FGF14: variants seen among roughly 807,000 people sequenced by gnomAD.
The protein encoded by FGF14 is fibroblast growth factor 14.
Under a neutral mutation model 25.5 loss-of-function variants are expected in FGF14, and 5 were observed. The ratio of observed to expected loss-of-function variants is 0.20; its 90% CI spans 0.10 to 0.41. FGF14 has a LOEUF of 0.41. FGF14 is among the 10% of genes least tolerant of loss of function. The probability of loss-of-function intolerance (pLI) is 1.00; values close to 1 mark genes in which losing one functional copy is unlikely to be tolerated. For synonymous variants in FGF14, 138 were observed against 118.3 expected (o/e 1.17, Z -1.08); for missense variants, 222 against 320.1 (o/e 0.69, Z 2.34).
intron 1 of FGF14, chr13:102,003,021 T>A (rs927425002): frequency 6.6e-6 from 1 of 152,188 alleles, no homozygotes; most frequent in East Asian, 1.9e-4. Flanking sequence ...GGAGTGGATA[T>A]ATGGAAAAAC....
At chr13:102,376,010 G>A (rs890619217) in intron 1 of FGF14, among the ~76,000 whole-genome samples, 6 of 152,180 alleles carry the variant, frequency 3.9e-5, no homozygotes, top group Non-Finnish European at 7.4e-5. Context: ...TAAATCTGCT[G>A]GTTCTACTGT....
At chr13:102,192,178 C>T (rs1398976136) in intron 1 of FGF14, among the ~76,000 whole-genome samples, 1 of 152,180 alleles carries the variant, frequency 6.6e-6, no homozygotes, top group African/African-American at 2.4e-5. Flanking sequence ...CTCTGAATTG[C>T]CTTTGGGGTC....
chr13:102,215,091 A>C (rs1050319097), intron 1 of FGF14, among the ~76,000 whole-genome samples: 15 of 152,052 alleles, frequency 9.9e-5, no homozygotes. Flanking sequence ...TTCTAGGAAA[A>C]TTAAGTTTAA....
chr13:102,099,812 A>G (rs1172716489), intron 1 of FGF14, among the ~76,000 whole-genome samples: 1 of 152,142 alleles, frequency 6.6e-6, no homozygotes, highest in African/African-American at 2.4e-5. Flanking sequence ...TAATATTAAT[A>G]AAATAATAAT....
chr13:102,188,612 CT>C, intron 1 of FGF14, among the ~76,000 whole-genome samples: 1 of 152,038 alleles, frequency 6.6e-6, no homozygotes, highest in East Asian at 1.9e-4. Flanking sequence ...ATAATTACTA[CT>C]TTTAATATAT....
intron 1 of FGF14, among the ~76,000 whole-genome samples, chr13:102,193,899 A>AT (rs532898994): frequency 0.015 from 685 of 45,108 alleles, 11 homozygotes; most frequent in African/African-American, 0.13. Context: ...ATCAGTCATG[A>AT]ATTTTTTTAT....
At chr13:102,221,752 G>T (rs1331089300) in intron 1 of FGF14, among the ~76,000 whole-genome samples, 1 of 152,170 alleles carries the variant, frequency 6.6e-6, no homozygotes, top group Non-Finnish European at 1.5e-5. Context: ...TAGAATTACA[G>T]TGCAATAAAC....
rs1433722271 is a variant in FGF14 at position 101,711,471 on chromosome 13, A to G, written c.*11360T>C. ...GCCTGGTGTTCAAGTTGCCTCGCTC[A>G]ATATGCCTGTGCAGTCAGACCTGCA... On this transcript the variant is annotated 3_prime_UTR_variant, in exon 5 of 5. Transcript: ENST00000376143. The G allele has an allele frequency of 6.6e-6, 1 of 152,284 alleles. No homozygotes were observed. Among genetic ancestry groups the G allele is most frequent in the Non-Finnish European group, 1.5e-5 (1 of 68,070 alleles). 9.4% of individuals were successfully genotyped at this position (152,284 alleles called of 1,614,324 possible). A position where few individuals can be genotyped will look rare whatever the true frequency, so the allele number is the denominator to read the frequency against.
chr13:101,731,500 T>A (rs949375399), intron 3 of FGF14, among the ~76,000 whole-genome samples: 12 of 152,180 alleles, frequency 7.9e-5, no homozygotes, highest in Admixed American at 6.5e-4. Flanking sequence ...ATGTTATATC[T>A]TTTTTATGTT....
intron 1 of FGF14, among the ~76,000 whole-genome samples, chr13:102,128,218 G>A (rs1201693926): frequency 6.6e-6 from 1 of 152,170 alleles, no homozygotes; most frequent in Non-Finnish European, 1.5e-5. Flanking sequence ...TAATCCATAA[G>A]GCTGTTGAGA....
intron 1 of FGF14, among the ~76,000 whole-genome samples, chr13:102,041,220 ATTAT>A (rs1334658074): frequency 6.6e-6 from 1 of 152,182 alleles, no homozygotes; most frequent in Non-Finnish European, 1.5e-5. Flanking sequence ...GAAAAATATA[ATTAT>A]TTAAAAAGAA....
chr13:101,869,991 G>C (rs1044944564), intron 2 of FGF14, among the ~76,000 whole-genome samples: 2 of 152,090 alleles, frequency 1.3e-5, no homozygotes, highest in Non-Finnish European at 2.9e-5. Context: ...CAAGATGTCT[G>C]TGCTACACAA....
At chr13:102,289,155 T>A (rs991431252) in intron 1 of FGF14, among the ~76,000 whole-genome samples, 23 of 152,210 alleles carry the variant, frequency 1.5e-4, no homozygotes, top group African/African-American at 5.5e-4. Flanking sequence ...TGTTCATCAC[T>A]CCTTGAGTGT....
intron 1 of FGF14, among the ~76,000 whole-genome samples, chr13:102,332,404 T>A (rs981765624): frequency 1.3e-5 from 2 of 152,130 alleles, no homozygotes; most frequent in African/African-American, 4.8e-5. Context: ...TAAAAATATA[T>A]CTTAAATCTA....
chr13:102,341,932 T>C (rs1321039115), intron 1 of FGF14, among the ~76,000 whole-genome samples: 2 of 152,166 alleles, frequency 1.3e-5, no homozygotes, highest in African/African-American at 2.4e-5. Context: ...AGCTCCATGT[T>C]GTCATCCAAA....
intron 1 of FGF14, among the ~76,000 whole-genome samples, chr13:101,996,627 G>C (rs1229895745): frequency 6.6e-6 from 1 of 152,174 alleles, no homozygotes; most frequent in Non-Finnish European, 1.5e-5. Context: ...AGGCAGATCT[G>C]AGAATAAAGA....
At chr13:102,156,090 G>A (rs188677383) in intron 1 of FGF14, among the ~76,000 whole-genome samples, 147 of 152,144 alleles carry the variant, frequency 9.7e-4, no homozygotes, top group Non-Finnish European at 1.3e-3. Flanking sequence ...ACAAGGAGGA[G>A]CTGGTACCAT....
intron 1 of FGF14, among the ~76,000 whole-genome samples, chr13:102,011,602 T>C (rs953051892): frequency 6.6e-6 from 1 of 152,128 alleles, no homozygotes; most frequent in Non-Finnish European, 1.5e-5. Flanking sequence ...AGCTTATCCA[T>C]AGCTGAGAGC....
intron 1 of FGF14, among the ~76,000 whole-genome samples, chr13:102,178,697 AT>A (rs1371080494): frequency 6.6e-6 from 1 of 152,160 alleles, no homozygotes; most frequent in African/African-American, 2.4e-5. Flanking sequence ...AGTTCCATCC[AT>A]GTTGCTGCAA....
Sources: gnomAD v4.1 joint callset for allele counts (sites outside exome capture counted in the v4.1 genomes callset) on GRCh38, gnomAD v4.1.1 for gene constraint, MANE v1.5 for transcripts, NCBI Gene and HGNC (gene_info 2026-07-23, HGNC 2026-07-21) for gene names.